The following ABCA6 variants were observed in gnomAD, a reference collection of about 807,000 sequenced individuals.
ABCA6 encodes the protein ATP-binding cassette sub-family A member 6.
In ABCA6, 164 loss-of-function variants were observed where a neutral mutation model predicts 191.2. The observed-to-expected ratio is 0.86, with a 90% CI of 0.76 to 0.98. The LOEUF is 0.98. Among genes scored for constraint, ABCA6 ranks in the 50% least tolerant of loss-of-function variants. The pLI is 0.00. For synonymous variants in ABCA6, 636 were observed against 647.7 expected, an observed-to-expected ratio of 0.98 and a Z score of 0.27; for missense variants, 1,958 against 1,894.1, an observed-to-expected ratio of 1.03 and a Z score of -0.63.
chr17:69,088,379 G>C, intron 27 of ABCA6, 121 bp from the exon 28 acceptor site: 2 of 726,524 alleles, frequency 2.8e-6, no homozygotes. Context: ...CTCATAAGCT[G>C]GGGGAGAAAT....
Position 69,097,917 on chromosome 17 carries a change from T to C in ABCA6, c.3120+3A>G. ...ATTTCTTCTTTTCCCTGCTTTTTCTTACCTTGTAATCACTGATGCTGCCCA... is the reference window on the plus strand; with the variant it reads ...ATTTCTTCTTTTCCCTGCTTTTTCTCACCTTGTAATCACTGATGCTGCCCA... On this transcript the variant is annotated splice_donor_region_variant and intron_variant, in intron 23 of 38. Coordinates refer to ENST00000284425, the MANE Select transcript of ABCA6 (RefSeq NM_080284.3). The C allele has an allele frequency of 6.4e-7, 1 of 1,570,554 alleles. No individual in the cohort carries two copies. The highest frequency in any genetic ancestry group is 8.6e-7 in the Non-Finnish European group (1 of 1,164,058).
At chr17:69,098,144 T>G in intron 22 of ABCA6, 117 bp from the exon 23 acceptor site, 1 of 628,288 alleles carries the variant, frequency 1.6e-6, no homozygotes, top group Non-Finnish European at 2.5e-6. Flanking sequence ...GTGTAGCTCA[T>G]TACCATCTAG....
rs142974342 is a variant in ABCA6 at position 69,115,023 on chromosome 17, T to C, written c.1607-86A>G. On this transcript the variant is annotated intron_variant, in intron 12 of 38. Coordinates refer to ENST00000284425, the MANE Select transcript of ABCA6 (RefSeq NM_080284.3). ...TCTCATTTAAGAAAATATTGGCATATGTTCACAAATGTCTAAAATGATTTG... is the reference window on the plus strand; with the variant it reads ...TCTCATTTAAGAAAATATTGGCATACGTTCACAAATGTCTAAAATGATTTG... 3.1e-5 allele frequency: 31 copies of C among 1,002,920 alleles called. No homozygotes were observed. In the African/African-American group the frequency reaches 4.6e-4, roughly 15 times the overall value. The allele number at this position is 1,002,920 out of a possible 1,614,324, so 62.1% of individuals were successfully genotyped here.
rs761815141 is a variant in ABCA6, at chr17:69,102,880, A to T, written c.2829T>A (p.Asp943Glu). The T allele has an allele frequency of 6.2e-7, 1 of 1,602,718 alleles. No individual in the cohort carries two copies. Among genetic ancestry groups the T allele is most frequent in the South Asian group, 1.1e-5 (1 of 88,018 alleles). ...TGATAGCTCCATTGTATGAGAGGCC[A>T]TCAGTACCATTTCTGTTTTCAAAGT... ...VDDFENRNGT[D>E]GLSYNGAIIV... The change falls in exon 21 of 39, where the codon GAT becomes GAA. Residue 943 changes from aspartate to glutamate, a missense_variant. Transcript: ENST00000284425.
intron 25 of ABCA6, among the ~76,000 whole-genome samples, chr17:69,092,353 C>G (rs2072945054): frequency 6.6e-6 from 1 of 152,154 alleles, no homozygotes; most frequent in Admixed American, 6.5e-5. Context: ...CTTTTATTAT[C>G]TCTCCCTTTA....
chr17:69,095,531 G>A (rs1027410004), intron 25 of ABCA6: 4 of 152,134 alleles, frequency 2.6e-5, no homozygotes, highest in Admixed American at 6.5e-5. Context: ...AAGTAATTGC[G>A]GTTTTGACAT....
In ABCA6 at chr17:69,096,859, C is replaced by A; in HGVS notation, c.3121-58G>T. ...ATATAGATTCAATTAAAATGCAAAT[C>A]TAAAATAAACACAAACACATTGGAA... On this transcript the variant is annotated intron_variant, in intron 23 of 38. Transcript: ENST00000284425. The A allele has an allele frequency of 3.0e-6, 4 of 1,340,230 alleles. No homozygotes were observed. The South Asian group carries it at 5.0e-5, about 17-fold the overall frequency. 83.0% of individuals were successfully genotyped at this position (1,340,230 alleles called of 1,614,324 possible). A position where few individuals can be genotyped will look rare whatever the true frequency, so the allele number is the denominator to read the frequency against.
At chr17:69,105,927 G>A in intron 19 of ABCA6, 101 bp downstream of exon 19, 1 of 1,273,404 alleles carries the variant, frequency 7.9e-7, no homozygotes, top group African/African-American at 1.5e-5. Flanking sequence ...CCACCCCGTG[G>A]CAGGAATGTC....
chr17:69,083,246 C>CA lies in ABCA6; in HGVS notation c.4440dup (p.Asp1481Ter). On this transcript the variant is annotated frameshift_variant, in exon 35 of 39. Coordinates refer to ENST00000284425, the MANE Select transcript of ABCA6 (RefSeq NM_080284.3). LOFTEE classifies it high-confidence loss of function. ...CCAGACACCATGATGGCCACACGGTCACACAAGGCTTCCGCCTCAGCCAGG... is the reference window on the plus strand; with the variant it reads ...CCAGACACCATGATGGCCACACGGTCAACACAAGGCTTCCGCCTCAGCCAGG... 1 of 1,608,860 alleles carries CA rather than the reference C, an allele frequency of 6.2e-7. No individual in the cohort carries two copies. The highest frequency in any genetic ancestry group is 8.5e-7 in the Non-Finnish European group (1 of 1,178,628).
Position 69,110,796 on chromosome 17 carries a change from G to A in ABCA6, c.2272+5C>T. ...TTCATTTCATTGTAATCATAGTTGAGTTACCTGGAAATGTATTTGTCCTTT... is the reference window on the plus strand; with the variant it reads ...TTCATTTCATTGTAATCATAGTTGAATTACCTGGAAATGTATTTGTCCTTT... On this transcript the variant is annotated splice_donor_5th_base_variant and intron_variant, in intron 17 of 38. Coordinates refer to ENST00000284425, the MANE Select transcript of ABCA6 (RefSeq NM_080284.3). 1 of 1,599,316 alleles carries A rather than the reference G, an allele frequency of 6.3e-7. No homozygotes were observed. Among genetic ancestry groups the A allele is most frequent in the Non-Finnish European group, 8.5e-7 (1 of 1,174,352 alleles).
At chr17:69,079,105 G>A (rs775069307) in intron 38 of ABCA6, 31 bp from the exon 39 acceptor site, 1 of 1,578,326 alleles carries the variant, frequency 6.3e-7, no homozygotes, top group Non-Finnish European at 8.7e-7. Context: ...AAGGAAAGAA[G>A]GAAGAGAGAT....
chr17:69,118,131 G>T, intron 10 of ABCA6, 175 bp from the exon 11 acceptor site: 1 of 452,866 alleles, frequency 2.2e-6, no homozygotes. Flanking sequence ...TATTTCCCCT[G>T]AGGTAGAAAA....
chr17:69,084,191 C>G (rs1373201172), intron 34 of ABCA6, 70 bp downstream of exon 34: 4 of 1,463,202 alleles, frequency 2.7e-6, no homozygotes, highest in Admixed American at 1.8e-5. Context: ...GCTGATTTTC[C>G]AAGACCAGTT....
intron 3 of ABCA6, 59 bp from the exon 4 acceptor site, chr17:69,136,309 A>G: frequency 4.8e-6 from 6 of 1,260,086 alleles, no homozygotes; most frequent in Non-Finnish European, 6.4e-6. Context: ...CCACAACATA[A>G]TGTGATATTC....
chr17:69,111,570 G>A (rs1297246664), intron 16 of ABCA6: 1 of 152,494 alleles, frequency 6.6e-6, no homozygotes, highest in Non-Finnish European at 1.5e-5. Context: ...GTCTGCATCT[G>A]TCCTTGCTGC....
At chr17:69,102,462 T>C (rs1040535942) in intron 21 of ABCA6, among the ~76,000 whole-genome samples, 1 of 152,226 alleles carries the variant, frequency 6.6e-6, no homozygotes, top group African/African-American at 2.4e-5. Context: ...TTATTTCGTG[T>C]AGATATTATA....
intron 2 of ABCA6, among the ~76,000 whole-genome samples, chr17:69,139,996 T>TA (rs2074004384): frequency 1.3e-5 from 2 of 151,210 alleles, no homozygotes; most frequent in South Asian, 4.2e-4. Flanking sequence ...TACCTAATGC[T>TA]AAATGGCGAG....
chr17:69,131,575 A>G (rs2073862506), intron 6 of ABCA6, among the ~76,000 whole-genome samples: 1 of 24,380 alleles, frequency 4.1e-5, no homozygotes, highest in African/African-American at 8.5e-5. Context: ...TATCTTGCTA[A>G]AAAACAAAGC....
At chr17:69,108,530 G>C (rs1186894353) in intron 17 of ABCA6, 1 of 152,170 alleles carries the variant, frequency 6.6e-6, no homozygotes, top group African/African-American at 2.4e-5. Context: ...TGAGAGTAGA[G>C]ACACATATCT....
Sources: allele counts gnomAD v4.1 joint callset (sites outside exome capture counted in the v4.1 genomes callset), GRCh38; gene constraint gnomAD v4.1.1; transcripts MANE v1.5; gene names NCBI Gene and HGNC (gene_info 2026-07-23, HGNC 2026-07-21).